Variants in APOO observed in about 807,000 individuals in gnomAD.
APOO encodes MICOS complex subunit MIC26.
Under a neutral mutation model 23.1 loss-of-function variants are expected in APOO, and 11 were observed. That is an observed-to-expected ratio of 0.48 (90% confidence interval 0.30 to 0.79). The LOEUF is 0.79. Ranked by LOEUF, APOO falls within the 30% of genes least tolerant of loss-of-function variation. APOO has a pLI of 0.07. For missense variants in APOO, 160 were observed against 142.7 expected (o/e 1.12, Z -0.62); for synonymous variants, 59 against 54.8 (o/e 1.08, Z -0.34).
chrX:23,862,149 C>T (rs1925081682), intron 5 of APOO, among the ~76,000 whole-genome samples: 1 of 110,939 alleles, frequency 9.0e-6, no homozygotes, highest in South Asian at 3.7e-4. Context: ...CAAGAATCAC[C>T]AGTCATTTGT....
intron 1 of APOO, among the ~76,000 whole-genome samples, chrX:23,894,581 G>A (rs964656886): frequency 4.5e-5 from 5 of 111,272 alleles, no homozygotes. Flanking sequence ...GATCACCTGA[G>A]GTCAGGAGTT....
intron 1 of APOO, among the ~76,000 whole-genome samples, chrX:23,895,732 G>A (rs1274810439): frequency 9.1e-6 from 1 of 110,210 alleles, no homozygotes; most frequent in Non-Finnish European, 1.9e-5. Context: ...CTAATTAAAC[G>A]TAGTGTCCAA....
chrX:23,882,925 G>C (rs1926210775), intron 1 of APOO, among the ~76,000 whole-genome samples: 1 of 111,057 alleles, frequency 9.0e-6, no homozygotes, highest in Non-Finnish European at 1.9e-5. Context: ...GGGATTATAG[G>C]TGTGAACCAC....
At chrX:23,852,899 C>T (rs774347080) in intron 7 of APOO, among the ~76,000 whole-genome samples, 2 of 110,297 alleles carry the variant, frequency 1.8e-5, no homozygotes, top group South Asian at 7.6e-4. Flanking sequence ...AGAGAATATA[C>T]TCAGCTCCAA....
intron 5 of APOO, 106 bp from the exon 6 acceptor site, chrX:23,858,839 G>A (rs903033448): frequency 8.3e-6 from 6 of 719,463 alleles, no homozygotes; most frequent in East Asian, 3.7e-5. Flanking sequence ...AGTGGCTCAC[G>A]CCTATAATCC....
chrX:23,889,143 A>AAAAAT (rs1336122560), intron 1 of APOO, among the ~76,000 whole-genome samples: 1 of 110,724 alleles, frequency 9.0e-6, no homozygotes, highest in Non-Finnish European at 1.9e-5. Context: ...CTCTGCCTCA[A>AAAAAT]AAAATAAAAT....
At chrX:23,881,503 C>T (rs1926124699) in intron 1 of APOO, among the ~76,000 whole-genome samples, 1 of 87,939 alleles carries the variant, frequency 1.1e-5, no homozygotes, top group Non-Finnish European at 2.1e-5. Flanking sequence ...CATGCCACTA[C>T]ACTCCAGCCT....
chrX:23,845,803 A>G (rs1924199850), intron 7 of APOO, among the ~76,000 whole-genome samples: 1 of 112,166 alleles, frequency 8.9e-6, no homozygotes, highest in East Asian at 2.8e-4. Context: ...AAAACTATTA[A>G]CAGCTCAGCT....
At chrX:23,853,183 G>A (rs752951779) in intron 7 of APOO, among the ~76,000 whole-genome samples, 6 of 111,123 alleles carry the variant, frequency 5.4e-5, no homozygotes, top group Middle Eastern at 4.6e-3. Flanking sequence ...GCTTGAACCC[G>A]GGAGGTGGAG....
chrX:23,907,928 T>A lies in APOO; in HGVS notation c.-226A>T. 1 of 371,699 alleles carries A rather than the reference T, an allele frequency of 2.7e-6. No homozygotes were observed. The highest frequency in any genetic ancestry group is 4.7e-5 in the East Asian group (1 of 21,221). 30.6% of individuals were successfully genotyped at this position (371,699 alleles called of 1,213,427 possible). ...CAGCGCGTCGCGCCCGGGCAGCGGG[T>A]GAACGCAAACCCCGCCCTCCAGGAG... On this transcript the variant is annotated 5_prime_UTR_variant, in exon 1 of 9. Coordinates refer to ENST00000379226, the MANE Select transcript of APOO (RefSeq NM_024122.5).
chrX:23,894,524 C>T, intron 1 of APOO, among the ~76,000 whole-genome samples: 2 of 111,886 alleles, frequency 1.8e-5, no homozygotes, highest in Middle Eastern at 4.6e-3. Flanking sequence ...GGCCAGGCGC[C>T]GTGGCTCACG....
intron 7 of APOO, among the ~76,000 whole-genome samples, chrX:23,849,821 G>C (rs933232506): frequency 1.9e-5 from 2 of 107,402 alleles, no homozygotes; most frequent in African/African-American, 6.8e-5. Context: ...GAACCCAGAA[G>C]GCAGAGGTTG....
At chrX:23,898,711 T>C (rs1400077476) in intron 1 of APOO, among the ~76,000 whole-genome samples, 1 of 112,003 alleles carries the variant, frequency 8.9e-6, no homozygotes, top group Non-Finnish European at 1.9e-5. Flanking sequence ...CTCAGTTCTA[T>C]CTGCCAAGTG....
chrX:23,850,086 A>T (rs1190633133), intron 7 of APOO, among the ~76,000 whole-genome samples: 1 of 111,971 alleles, frequency 8.9e-6, no homozygotes, highest in Non-Finnish European at 1.9e-5. Context: ...TGAATTAGAT[A>T]CAGATGGAAA....
At chrX:23,851,572 T>C (rs1479811984) in intron 7 of APOO, among the ~76,000 whole-genome samples, 2 of 112,658 alleles carry the variant, frequency 1.8e-5, no homozygotes, top group Admixed American at 9.5e-5. Flanking sequence ...ACTATACATA[T>C]GTTATATATT....
At chrX:23,843,555 G>A (rs773404844) in intron 7 of APOO, among the ~76,000 whole-genome samples, 5 of 102,399 alleles carry the variant, frequency 4.9e-5, no homozygotes, top group South Asian at 4.4e-4. Flanking sequence ...TTCTTACCAC[G>A]TCCATGAACA....
At chrX:23,855,827 T>C (rs1485666319) in intron 7 of APOO, among the ~76,000 whole-genome samples, 1 of 111,831 alleles carries the variant, frequency 8.9e-6, no homozygotes, top group East Asian at 2.8e-4. Context: ...CAACATACGA[T>C]GGCTCACACC....
intron 1 of APOO, among the ~76,000 whole-genome samples, chrX:23,890,346 A>G (rs949551999): frequency 1.1e-4 from 12 of 111,851 alleles, no homozygotes; most frequent in African/African-American, 3.9e-4. Flanking sequence ...TTCCATTGAC[A>G]AATTTATTTT....
intron 7 of APOO, among the ~76,000 whole-genome samples, chrX:23,850,209 T>C (rs1924469371): frequency 8.9e-6 from 1 of 112,443 alleles, no homozygotes; most frequent in Non-Finnish European, 1.9e-5. Flanking sequence ...CAGCAAATGT[T>C]AGTGAATCTA....
Sources: allele counts gnomAD v4.1 joint callset (sites outside exome capture counted in the v4.1 genomes callset), GRCh38; gene constraint gnomAD v4.1.1; transcripts MANE v1.5; gene names NCBI Gene and HGNC (gene_info 2026-07-23, HGNC 2026-07-21).